PDE4D: variants seen among roughly 807,000 people sequenced by gnomAD.
The protein encoded by PDE4D is phosphodiesterase 4D.
In PDE4D, 24 loss-of-function variants were observed where a neutral mutation model predicts 87.4. That is an observed-to-expected ratio of 0.27 (90% CI 0.20 to 0.39). PDE4D has a LOEUF of 0.39. Among genes scored for constraint, PDE4D ranks in the 10% least tolerant of loss-of-function variants. PDE4D has a pLI of 1.00. For missense variants in PDE4D, 714 were observed against 1,041.0 expected, an observed-to-expected ratio of 0.69 and a Z score of 4.32; for synonymous variants, 384 against 383.2, an observed-to-expected ratio of 1.00 and a Z score of -0.02.
intron 2 of PDE4D, among the ~76,000 whole-genome samples, chr5:60,089,064 A>G (rs1490069325): frequency 6.6e-6 from 1 of 152,044 alleles, no homozygotes; most frequent in Non-Finnish European, 1.5e-5. Context: ...AGTCAAGGAC[A>G]GTTAAAAACA....
chr5:59,567,787 T>C lies in PDE4D; in HGVS notation c.455+325381A>G, dbSNP rs190475202. On this transcript the variant is annotated intron_variant, in intron 1 of 14. Coordinates refer to ENST00000340635, the MANE Select transcript of PDE4D (RefSeq NM_001104631.2). Reference sequence around the variant, plus strand: ...TTTTCACTGTTGGAGTGGAAGATTATAGATAAGCAAGAGGAAGAAGCTAGA... The same window carrying C: ...TTTTCACTGTTGGAGTGGAAGATTACAGATAAGCAAGAGGAAGAAGCTAGA... 5.1e-3 allele frequency among the ~76,000 whole-genome samples: 775 copies of C among 152,286 alleles called. 3 individuals are homozygous for C. Among genetic ancestry groups the C allele is most frequent in the African/African-American group, 0.018 (742 of 41,562 alleles).
At chr5:59,815,605 G>A (rs1310422307) in intron 1 of PDE4D, among the ~76,000 whole-genome samples, 2 of 152,188 alleles carry the variant, frequency 1.3e-5, no homozygotes, top group African/African-American at 4.8e-5. Flanking sequence ...AACAAATCCA[G>A]CTGAGACTAG....
intron 3 of PDE4D, among the ~76,000 whole-genome samples, chr5:59,914,582 G>A (rs971484720): frequency 8.0e-5 from 12 of 150,558 alleles, no homozygotes; most frequent in African/African-American, 2.9e-4. Context: ...GTGTGTGTGT[G>A]TGTGTGTGTG....
intron 2 of PDE4D, among the ~76,000 whole-genome samples, chr5:60,141,444 A>C (rs1348932022): frequency 1.3e-5 from 2 of 152,172 alleles, no homozygotes; most frequent in African/African-American, 4.8e-5. Context: ...AAATATACTG[A>C]GGCAGAGAGT....
intron 1 of PDE4D, among the ~76,000 whole-genome samples, chr5:59,328,923 G>A (rs1776207408): frequency 1.3e-5 from 2 of 152,220 alleles, no homozygotes; most frequent in Non-Finnish European, 2.9e-5. Flanking sequence ...CCAACTGCAA[G>A]CCTGGAAGGG....
chr5:59,143,993 C>G (rs74434827), intron 5 of PDE4D, among the ~76,000 whole-genome samples: 1 of 152,186 alleles, frequency 6.6e-6, no homozygotes, highest in Non-Finnish European at 1.5e-5. Flanking sequence ...TACTTTAACT[C>G]CTTCACAATC....
Position 59,607,805 on chromosome 5 carries a change from C to T in PDE4D, c.455+285363G>A, listed in dbSNP as rs139512659. 3.6e-3 allele frequency among the ~76,000 whole-genome samples: 544 copies of T among 152,164 alleles called. 8 individuals carry two copies. Among genetic ancestry groups the T allele is most frequent in the African/African-American group, 0.012 (515 of 41,536 alleles). ...ATGAAAAGGAAGCAAGCTATCCATG[C>T]GCTTCTAACATACTGTCTGCATTGG... On this transcript the variant is annotated intron_variant, in intron 1 of 14. Transcript: ENST00000340635.
At chr5:59,048,855 T>C (rs553291848) in intron 5 of PDE4D, among the ~76,000 whole-genome samples, 3 of 152,322 alleles carry the variant, frequency 2.0e-5, no homozygotes, top group African/African-American at 7.2e-5. Flanking sequence ...CAAATTCTCA[T>C]CTGTGTATTT....
intron 1 of PDE4D, among the ~76,000 whole-genome samples, chr5:60,280,327 A>ATAT (rs1444768310): frequency 0.022 from 3,148 of 142,562 alleles, 38 homozygotes; most frequent in Admixed American, 0.034. Flanking sequence ...TATATATATA[A>ATAT]ATATATATAC....
chr5:59,700,713 CTTAT>C (rs1312503395), intron 1 of PDE4D, among the ~76,000 whole-genome samples: 1 of 152,310 alleles, frequency 6.6e-6, no homozygotes, highest in Non-Finnish European at 1.5e-5. Context: ...CTTCTTTGGT[CTTAT>C]TTATCAATTA....
intron 1 of PDE4D, among the ~76,000 whole-genome samples, chr5:60,224,408 G>C (rs1001384399): frequency 1.3e-5 from 2 of 152,028 alleles, no homozygotes; most frequent in African/African-American, 2.4e-5. Flanking sequence ...CATGCCCCAC[G>C]GGTCATATTT....
intron 2 of PDE4D, among the ~76,000 whole-genome samples, chr5:60,144,667 C>T (rs977464640): frequency 5.3e-5 from 8 of 152,170 alleles, no homozygotes; most frequent in African/African-American, 1.9e-4. Flanking sequence ...TACTGTTTTA[C>T]TTATCTGACC....
At chr5:60,013,909 T>C (rs528719009) in intron 2 of PDE4D, among the ~76,000 whole-genome samples, 109 of 151,780 alleles carry the variant, frequency 7.2e-4, no homozygotes, top group African/African-American at 2.5e-3. Flanking sequence ...CTGGCCAACA[T>C]GGTGAAACCC....
At chr5:59,428,728 T>A (rs1464599710) in intron 1 of PDE4D, among the ~76,000 whole-genome samples, 2 of 152,196 alleles carry the variant, frequency 1.3e-5, no homozygotes, top group East Asian at 3.8e-4. Flanking sequence ...GTTCTTCCAT[T>A]CATTCATCCA....
intron 1 of PDE4D, among the ~76,000 whole-genome samples, chr5:60,337,351 C>CTATATATATATATATATATATATA (rs748923956): frequency 1.6e-5 from 1 of 62,226 alleles, no homozygotes; most frequent in African/African-American, 4.9e-5. Flanking sequence ...AACAAACAAA[C>CTATATATATATATATATATATATA]TATATATATA....
chr5:59,438,043 C>G (rs1036428787), intron 1 of PDE4D, among the ~76,000 whole-genome samples: 1 of 152,140 alleles, frequency 6.6e-6, no homozygotes, highest in South Asian at 2.1e-4. Context: ...CTCACTATCA[C>G]GACAGCTGCA....
At chr5:59,290,622 G>T (rs533685153) in intron 1 of PDE4D, among the ~76,000 whole-genome samples, 1 of 151,970 alleles carries the variant, frequency 6.6e-6, no homozygotes, top group Non-Finnish European at 1.5e-5. Flanking sequence ...CACAGCAAAG[G>T]AACAATTGAC....
intron 1 of PDE4D, among the ~76,000 whole-genome samples, chr5:60,433,987 G>A (rs991813874): frequency 9.2e-5 from 14 of 151,970 alleles, no homozygotes; most frequent in Non-Finnish European, 1.6e-4. Context: ...TCATTACCTG[G>A]GTGACGAAAT....
chr5:59,394,579 A>C (rs980022888), intron 1 of PDE4D, among the ~76,000 whole-genome samples: 1 of 136,514 alleles, frequency 7.3e-6, no homozygotes, highest in East Asian at 2.2e-4. Context: ...TTGAGCATAT[A>C]CTATATTACA....
Sources: gnomAD v4.1 joint callset for allele counts (sites outside exome capture counted in the v4.1 genomes callset) on GRCh38, gnomAD v4.1.1 for gene constraint, MANE v1.5 for transcripts, NCBI Gene and HGNC (gene_info 2026-07-23, HGNC 2026-07-21) for gene names.